Variants in ZRANB3 observed in about 807,000 individuals in gnomAD.
ZRANB3 encodes the protein DNA annealing helicase and endonuclease ZRANB3.
In ZRANB3, 125 loss-of-function variants were observed where a neutral mutation model predicts 133.8. The observed-to-expected ratio is 0.93, with a 90% CI of 0.81 to 1.08. The LOEUF is 1.08. Among genes scored for constraint, ZRANB3 ranks in the 50% least tolerant of loss-of-function variants. The pLI is 0.00. For missense variants in ZRANB3, 1,229 were observed against 1,275.5 expected (o/e 0.96, Z 0.56); for synonymous variants, 387 against 432.7 (o/e 0.89, Z 1.31).
intron 6 of ZRANB3, among the ~76,000 whole-genome samples, chr2:135,324,400 A>G (rs1479816962): frequency 6.6e-6 from 1 of 152,140 alleles, no homozygotes; most frequent in Non-Finnish European, 1.5e-5. Context: ...GTCCCAACAA[A>G]GGACATGAAC....
rs1685823161 is a variant in ZRANB3, at chr2:135,364,164, G to A, written c.181-10536C>T. Among the ~76,000 whole-genome samples, 6 of 151,812 alleles carry A rather than the reference G, an allele frequency of 4.0e-5. 1 individual carries two copies. On this transcript the variant is annotated intron_variant, in intron 3 of 20. Transcript: ENST00000264159. Reference sequence around the variant, plus strand: ...AGGGAAGGAAGGAAGGAAGGGGCAAGCAAAAATGATTCTTATGTGGATGAC... The same window carrying A: ...AGGGAAGGAAGGAAGGAAGGGGCAAACAAAAATGATTCTTATGTGGATGAC...
intron 2 of ZRANB3, among the ~76,000 whole-genome samples, chr2:135,453,263 G>T (rs985986163): frequency 2.6e-5 from 4 of 152,110 alleles, no homozygotes; most frequent in African/African-American, 9.7e-5. Context: ...TTTTCCTCCT[G>T]GGCCTCCAGG....
chr2:135,336,437 A>G (rs1442401988), intron 6 of ZRANB3, among the ~76,000 whole-genome samples: 1 of 152,222 alleles, frequency 6.6e-6, no homozygotes, highest in Non-Finnish European at 1.5e-5. Flanking sequence ...CACAGAATCA[A>G]AACATTATGG....
chr2:135,361,112 G>T (rs1270315131), intron 3 of ZRANB3, among the ~76,000 whole-genome samples: 1 of 152,158 alleles, frequency 6.6e-6, no homozygotes, highest in African/African-American at 2.4e-5. Context: ...ATTGAAAACA[G>T]CATAGCATTC....
intron 1 of ZRANB3, among the ~76,000 whole-genome samples, chr2:135,528,685 G>A (rs1448746134): frequency 2.0e-5 from 3 of 152,004 alleles, no homozygotes; most frequent in African/African-American, 7.3e-5. Flanking sequence ...AGACTGCATT[G>A]CTAAATTATC....
intron 1 of ZRANB3, among the ~76,000 whole-genome samples, chr2:135,508,287 G>A (rs919414710): frequency 3.3e-5 from 5 of 152,018 alleles, no homozygotes; most frequent in African/African-American, 7.2e-5. Context: ...ACAGGGGCAC[G>A]CCACCATGTC....
At chr2:135,224,617 T>A (rs1274919064) in intron 14 of ZRANB3, 100 bp from the exon 15 acceptor site, 1 of 685,150 alleles carries the variant, frequency 1.5e-6, no homozygotes, top group East Asian at 2.9e-5. Flanking sequence ...AATAGCTATA[T>A]CAAAATATCA....
intron 2 of ZRANB3, among the ~76,000 whole-genome samples, chr2:135,491,761 C>T (rs752961992): frequency 3.3e-5 from 5 of 151,800 alleles, no homozygotes; most frequent in African/African-American, 9.7e-5. Flanking sequence ...GTGATCTGCC[C>T]GCCTCAGCCT....
At chr2:135,387,563 C>T (rs1204254206) in intron 3 of ZRANB3, among the ~76,000 whole-genome samples, 1 of 152,096 alleles carries the variant, frequency 6.6e-6, no homozygotes, top group African/African-American at 2.4e-5. Flanking sequence ...TTTCTATGGC[C>T]TGATTCTTGT....
intron 6 of ZRANB3, among the ~76,000 whole-genome samples, chr2:135,337,201 T>C (rs370924337): frequency 5.9e-5 from 9 of 152,152 alleles, no homozygotes; most frequent in African/African-American, 1.4e-4. Flanking sequence ...CAGAAGTAGG[T>C]AGGACAACAT....
intron 6 of ZRANB3, among the ~76,000 whole-genome samples, chr2:135,318,867 G>C (rs1683383770): frequency 6.6e-6 from 1 of 152,156 alleles, no homozygotes; most frequent in Non-Finnish European, 1.5e-5. Context: ...AGACTCCAGA[G>C]GCGTTCAAGT....
chr2:135,465,255 A>G (rs1690931552), intron 2 of ZRANB3, among the ~76,000 whole-genome samples: 1 of 151,482 alleles, frequency 6.6e-6, no homozygotes, highest in Admixed American at 6.6e-5. Context: ...TTTAAAGTTC[A>G]TGTAAACATT....
chr2:135,416,231 C>T (rs1363738907), intron 2 of ZRANB3, among the ~76,000 whole-genome samples: 1 of 151,908 alleles, frequency 6.6e-6, no homozygotes, highest in Non-Finnish European at 1.5e-5. Context: ...CCCAAAATCT[C>T]CTTAAGCTGA....
intron 2 of ZRANB3, among the ~76,000 whole-genome samples, chr2:135,489,329 G>T: frequency 9.8e-6 from 1 of 101,648 alleles, no homozygotes; most frequent in African/African-American, 3.8e-5. Context: ...GAGGGGGGAG[G>T]GATAGCATTA....
intron 6 of ZRANB3, among the ~76,000 whole-genome samples, chr2:135,322,790 G>A (rs1683595642): frequency 6.6e-6 from 1 of 152,126 alleles, no homozygotes; most frequent in East Asian, 1.9e-4. Context: ...GCCGAGGCAG[G>A]TGGATCACCT....
intron 12 of ZRANB3, among the ~76,000 whole-genome samples, chr2:135,261,045 G>A (rs898864549): frequency 3.8e-4 from 57 of 150,028 alleles, no homozygotes; most frequent in Admixed American, 1.9e-3. Flanking sequence ...TCCACAAGCT[G>A]TTAAAAACCA....
intron 6 of ZRANB3, among the ~76,000 whole-genome samples, chr2:135,344,371 T>C (rs1172049701): frequency 6.6e-6 from 1 of 152,224 alleles, no homozygotes; most frequent in African/African-American, 2.4e-5. Context: ...TGCACAGCTA[T>C]ATACTACAAA....
intron 2 of ZRANB3, among the ~76,000 whole-genome samples, chr2:135,406,442 A>G (rs1423356621): frequency 6.6e-6 from 1 of 152,242 alleles, no homozygotes; most frequent in Non-Finnish European, 1.5e-5. Context: ...ATCAATAGAA[A>G]AAGAGGGGAT....
chr2:135,264,897 C>T (rs1414210340), intron 12 of ZRANB3, among the ~76,000 whole-genome samples: 1 of 152,056 alleles, frequency 6.6e-6, no homozygotes, highest in East Asian at 1.9e-4. Context: ...TACAGGCAGA[C>T]ACCAACACAC....
Sources: gnomAD v4.1 joint callset for allele counts (sites outside exome capture counted in the v4.1 genomes callset) on GRCh38, gnomAD v4.1.1 for gene constraint, MANE v1.5 for transcripts, NCBI Gene and HGNC (gene_info 2026-07-23, HGNC 2026-07-21) for gene names.